PIKFYVE: variants seen among roughly 807,000 people sequenced by gnomAD.
PIKFYVE encodes the protein 1-phosphatidylinositol 3-phosphate 5-kinase.
PIKFYVE carries 122 observed loss-of-function variants against 257.9 expected under a neutral mutation model. The ratio of observed to expected loss-of-function variants is 0.47; its 90% CI spans 0.41 to 0.55. The LOEUF (loss-of-function observed/expected upper bound fraction) is 0.55, where lower values mean the gene tolerates loss of function less well. PIKFYVE is among the 20% of genes least tolerant of loss of function. PIKFYVE has a pLI of 0.00. For synonymous variants in PIKFYVE, 892 were observed against 868.9 expected (o/e 1.03, Z -0.47); for missense variants, 2,160 against 2,536.6 (o/e 0.85, Z 3.19).
At chr2:208,294,396 T>C (rs1383185933) in intron 7 of PIKFYVE, among the ~76,000 whole-genome samples, 1 of 152,238 alleles carries the variant, frequency 6.6e-6, no homozygotes, top group Admixed American at 6.5e-5. Flanking sequence ...CCCACATTCA[T>C]GTTGAGCCTG....
At chr2:208,279,093 C>T (rs1428539563) in intron 5 of PIKFYVE, among the ~76,000 whole-genome samples, 1 of 152,128 alleles carries the variant, frequency 6.6e-6, no homozygotes, top group Admixed American at 6.5e-5. Context: ...TAATAACAGC[C>T]ATTCTGATTG....
chr2:208,329,509 A>C (rs1697280240), intron 21 of PIKFYVE, among the ~76,000 whole-genome samples: 2 of 152,234 alleles, frequency 1.3e-5, no homozygotes, highest in Non-Finnish European at 2.9e-5. Flanking sequence ...AGGAGACCAG[A>C]GTCCCACCTT....
In PIKFYVE at chr2:208,298,758, G is replaced by A. The variant is rs1190604764; in HGVS notation, c.1029G>A (p.Glu343=). The part of the protein sequence containing the change: ...NRTYVRTETT[E]DERKILLDSV... ...CATATGTTAGGACAGAGACCACTGA[G>A]GATGAACGCAAAATTCTTCTGGTAC... is the stretch of plus-strand genomic sequence containing the variant. Residue 343 remains glutamate (E), a synonymous_variant, in exon 8 of 42, where the codon GAG becomes GAA. Coordinates refer to ENST00000264380, the MANE Select transcript of PIKFYVE (RefSeq NM_015040.4). The A allele has an allele frequency of 6.8e-6, 11 of 1,614,094 alleles. No homozygotes were observed. The East Asian group carries it at 2.5e-4, about 36-fold the overall frequency.
intron 24 of PIKFYVE, 126 bp downstream of exon 24, chr2:208,333,619 GCAGA>G: frequency 2.4e-5 from 24 of 1,005,354 alleles, no homozygotes; most frequent in Non-Finnish European, 3.5e-5. Context: ...CCTTATAAAT[GCAGA>G]GGACCAGACT....
At chr2:208,308,693 A>G (rs1180714336) in intron 12 of PIKFYVE, among the ~76,000 whole-genome samples, 2 of 146,278 alleles carry the variant, frequency 1.4e-5, no homozygotes, top group Non-Finnish European at 3.0e-5. Flanking sequence ...AGAGCTTATG[A>G]TAACACTAGT....
At position 208,335,358 on chromosome 2, in the gene PIKFYVE, A is replaced by C; in HGVS notation, c.4195A>C (p.Ile1399Leu). The part of the protein sequence containing the change: ...EVCVPLPKIF[I>L]KRQAPLKVSL... ...ATGTGTTCCACTCCCCAAAATATTC[A>C]TTAAGCGTCAGGCCCCATTAAAAGT... The change falls in exon 25 of 42, where the codon ATT becomes CTT. Residue 1399 changes from isoleucine (I) to leucine (L), a missense_variant. Transcript: ENST00000264380. 1 of 1,613,102 alleles carries C rather than the reference A, an allele frequency of 6.2e-7. No individual in the cohort carries two copies. The highest frequency in any genetic ancestry group is 2.2e-5 in the East Asian group (1 of 44,784).
chr2:208,280,959 C>T (rs1299124689), intron 5 of PIKFYVE, among the ~76,000 whole-genome samples: 1 of 150,074 alleles, frequency 6.7e-6, no homozygotes, highest in Non-Finnish European at 1.5e-5. Flanking sequence ...CTATTGGCCC[C>T]TGCCACCCTG....
intron 5 of PIKFYVE, among the ~76,000 whole-genome samples, chr2:208,279,589 T>A (rs142034810): frequency 6.6e-6 from 1 of 152,198 alleles, no homozygotes; most frequent in Non-Finnish European, 1.5e-5. Context: ...TGATGAAACA[T>A]AGGGGCCAGT....
intron 7 of PIKFYVE, among the ~76,000 whole-genome samples, chr2:208,290,261 C>G (rs1220264273): frequency 6.6e-6 from 1 of 152,212 alleles, no homozygotes; most frequent in Non-Finnish European, 1.5e-5. Context: ...AAAAAGTCTA[C>G]TGGGCTTCTC....
intron 7 of PIKFYVE, among the ~76,000 whole-genome samples, chr2:208,295,943 T>C (rs1271007795): frequency 6.6e-6 from 1 of 152,206 alleles, no homozygotes; most frequent in Admixed American, 6.5e-5. Flanking sequence ...CACTTATTAG[T>C]TGACATTCTA....
At chr2:208,281,066 CT>C (rs1285039694) in intron 5 of PIKFYVE, among the ~76,000 whole-genome samples, 3 of 152,238 alleles carry the variant, frequency 2.0e-5, no homozygotes, top group Non-Finnish European at 2.9e-5. Context: ...CCACAAAGCT[CT>C]TTAAGGATTC....
intron 16 of PIKFYVE, among the ~76,000 whole-genome samples, chr2:208,319,978 C>A (rs944466872): frequency 1.9e-4 from 28 of 149,812 alleles, no homozygotes; most frequent in African/African-American, 5.9e-4. Flanking sequence ...CTTACAACAT[C>A]AGAAATAAAA....
intron 15 of PIKFYVE, among the ~76,000 whole-genome samples, chr2:208,316,999 C>T (rs542141636): frequency 4.5e-4 from 69 of 151,988 alleles, no homozygotes; most frequent in Admixed American, 9.8e-4. Context: ...GGATTAAAGA[C>T]TTAAACGTTA....
chr2:208,348,170 G>GA (rs1264939521), intron 35 of PIKFYVE, 147 bp downstream of exon 35: 1 of 1,037,568 alleles, frequency 9.6e-7, no homozygotes, highest in East Asian at 2.6e-5. Context: ...TGGTAGAGTG[G>GA]AAAAAGCATG....
intron 39 of PIKFYVE, among the ~76,000 whole-genome samples, chr2:208,353,623 A>T (rs751274911): frequency 2.0e-5 from 3 of 151,880 alleles, no homozygotes; most frequent in Non-Finnish European, 4.4e-5. Flanking sequence ...AAGTTGATTA[A>T]ATTGGCCAGT....
intron 1 of PIKFYVE, chr2:208,269,624 G>A (rs2124958330): frequency 3.8e-6 from 1 of 265,682 alleles, no homozygotes; most frequent in Admixed American, 4.0e-5. Flanking sequence ...TCACTCTTGG[G>A]GTTCCCCAGG....
intron 28 of PIKFYVE, among the ~76,000 whole-genome samples, chr2:208,338,255 C>G (rs1000590316): frequency 6.6e-6 from 1 of 151,732 alleles, no homozygotes; most frequent in African/African-American, 2.4e-5. Context: ...TTAAATGTTA[C>G]TTATATTAAT....
chr2:208,266,160 C>T (rs1245455581), upstream of PIKFYVE: 6 of 152,372 alleles, frequency 3.9e-5, no homozygotes, highest in Non-Finnish European at 8.8e-5. Context: ...AGCATCTGAT[C>T]CGAGCGTCGG....
intron 3 of PIKFYVE, among the ~76,000 whole-genome samples, chr2:208,274,521 G>C (rs547095543): frequency 3.1e-4 from 47 of 152,248 alleles, no homozygotes; most frequent in African/African-American, 1.1e-3. Context: ...CCCAGATAGT[G>C]GTGGTTGGCA....
Sources: gnomAD v4.1 joint callset for allele counts (sites outside exome capture counted in the v4.1 genomes callset) on GRCh38, gnomAD v4.1.1 for gene constraint, MANE v1.5 for transcripts, NCBI Gene and HGNC (gene_info 2026-07-23, HGNC 2026-07-21) for gene names.